Variants in RORA observed in about 807,000 individuals in gnomAD.
The protein encoded by RORA is RAR related orphan receptor A, also known as nuclear receptor ROR-alpha.
RORA carries 7 observed loss-of-function variants against 69.5 expected under a neutral mutation model. The ratio of observed to expected loss-of-function variants is 0.10; its 90% CI spans 0.06 to 0.19. RORA has a LOEUF of 0.19. Ranked by LOEUF, RORA falls within the 10% of genes least tolerant of loss-of-function variation. The pLI is 1.00. For synonymous variants in RORA, 261 were observed against 240.8 expected (o/e 1.08, Z -0.78); for missense variants, 457 against 663.0 (o/e 0.69, Z 3.41).
rs2066528004 is a variant in RORA, at chr15:60,531,592, T to C, written c.282+174A>G. 1.9e-6 allele frequency: 1 copy of C among 529,364 alleles called. No homozygotes were observed. The highest frequency in any genetic ancestry group is 4.2e-5 in the Admixed American group (1 of 23,674). 32.8% of individuals were successfully genotyped at this position (529,364 alleles called of 1,614,324 possible). The stretch of plus-strand genomic sequence containing the variant: ...ATTATTTTGAAGGAAGGAGTAAAAA[T>C]ATATATAACTTCTTTAATTGTAATT... On this transcript the variant is annotated intron_variant, in intron 3 of 10. Coordinates refer to ENST00000335670, the MANE Select transcript of RORA (RefSeq NM_134261.3). This position sits in a 1 kb window ranked among gnomAD's most constrained non-coding sequence, Gnocchi z 4.8.
intron 1 of RORA, among the ~76,000 whole-genome samples, chr15:60,810,364 C>T (rs1252863753): frequency 1.3e-5 from 2 of 152,018 alleles, no homozygotes; most frequent in Non-Finnish European, 2.9e-5. Flanking sequence ...ACAAAAGCTG[C>T]TATTTTTCTT....
chr15:60,736,430 AC>A (rs2140843505), intron 1 of RORA, among the ~76,000 whole-genome samples: 1 of 152,330 alleles, frequency 6.6e-6, no homozygotes, highest in Non-Finnish European at 1.5e-5. Flanking sequence ...GGACTCCTGC[AC>A]CCAGAGGAAA....
At chr15:60,514,881 C>A in intron 3 of RORA, 124 bp from the exon 4 acceptor site, 1 of 676,884 alleles carries the variant, frequency 1.5e-6, no homozygotes, top group African/African-American at 1.8e-5. Flanking sequence ...GTAGCAGAAT[C>A]ATCCAGGAGA....
chr15:60,874,810 G>A (rs764040532), intron 1 of RORA, among the ~76,000 whole-genome samples: 6 of 152,188 alleles, frequency 3.9e-5, no homozygotes, highest in Non-Finnish European at 7.4e-5. Context: ...CAGCCTGCTA[G>A]TGTACAAATT....
intron 2 of RORA, among the ~76,000 whole-genome samples, chr15:60,561,070 T>TG (rs2067530844): frequency 7.7e-6 from 1 of 129,508 alleles, no homozygotes; most frequent in African/African-American, 4.1e-5. Flanking sequence ...TTTTTTTTTT[T>TG]GTTTTGTTTT....
chr15:61,001,056 C>T (rs1894729277), intron 1 of RORA, among the ~76,000 whole-genome samples: 1 of 152,204 alleles, frequency 6.6e-6, no homozygotes, highest in South Asian at 2.1e-4. Context: ...TGAGGACACT[C>T]CATTTTAAAT....
At chr15:60,594,844 A>G (rs1173018564) in intron 2 of RORA, among the ~76,000 whole-genome samples, 1 of 152,238 alleles carries the variant, frequency 6.6e-6, no homozygotes, top group Non-Finnish European at 1.5e-5. Flanking sequence ...TGCCCTTTGG[A>G]GATGTACTTC....
chr15:60,756,103 T>G (rs937127066), intron 1 of RORA, among the ~76,000 whole-genome samples: 1 of 152,212 alleles, frequency 6.6e-6, no homozygotes, highest in Non-Finnish European at 1.5e-5. Flanking sequence ...ACAAAAAAAG[T>G]TTCTGCAATG....
intron 1 of RORA, among the ~76,000 whole-genome samples, chr15:60,935,530 T>C: frequency 6.6e-6 from 1 of 152,194 alleles, no homozygotes. Context: ...AGTGAAAACA[T>C]CTATGGCTAC....
intron 2 of RORA, among the ~76,000 whole-genome samples, chr15:60,559,689 C>A (rs867133158): frequency 1.3e-5 from 2 of 152,196 alleles, no homozygotes; most frequent in Non-Finnish European, 2.9e-5. Flanking sequence ...AGAAAGATGT[C>A]GTGCAAGGAA....
At chr15:60,776,371 G>A (rs1324621800) in intron 1 of RORA, among the ~76,000 whole-genome samples, 1 of 152,196 alleles carries the variant, frequency 6.6e-6, no homozygotes, top group Non-Finnish European at 1.5e-5. Context: ...GGAGAGGAGG[G>A]AAATAAAACA....
At chr15:61,077,793 C>T (rs1480721374) in intron 1 of RORA, among the ~76,000 whole-genome samples, 1 of 152,190 alleles carries the variant, frequency 6.6e-6, no homozygotes, top group African/African-American at 2.4e-5. Context: ...AGCATCTCTT[C>T]TTCCCTTAGA....
chr15:60,761,964 C>T (rs374371064), intron 1 of RORA, among the ~76,000 whole-genome samples: 1 of 151,620 alleles, frequency 6.6e-6, no homozygotes, highest in African/African-American at 2.4e-5. Context: ...CCTTGGAAAT[C>T]AAGTTCTTGA....
At position 60,557,284 on chromosome 15, in the gene RORA, T is replaced by C. The variant is rs1412161732; in HGVS notation, c.197-25433A>G. On this transcript the variant is annotated intron_variant, in intron 2 of 10. Transcript: ENST00000335670. ...CCACTGTCTTAAGTTAAATAAGATA[T>C]AGAATGCTCACAACTGTTATGGTTA... Among the ~76,000 whole-genome samples, 3 of 152,230 alleles carry C rather than the reference T, an allele frequency of 2.0e-5. No individual in the cohort carries two copies. In the East Asian group the frequency reaches 5.8e-4, roughly 29 times the overall value.
At chr15:61,140,671 G>C (rs1447669458) in intron 1 of RORA, among the ~76,000 whole-genome samples, 5 of 152,052 alleles carry the variant, frequency 3.3e-5, no homozygotes, top group Non-Finnish European at 7.4e-5. Flanking sequence ...GTGGAGATAT[G>C]GATGGGAGAA....
At chr15:60,503,282 G>A (rs184520562) in intron 7 of RORA, among the ~76,000 whole-genome samples, 11 of 152,152 alleles carry the variant, frequency 7.2e-5, no homozygotes, top group Admixed American at 1.3e-4. Flanking sequence ...CAAAACACAC[G>A]TGATGGGAAA....
chr15:60,852,383 A>G (rs2073336228), intron 1 of RORA, among the ~76,000 whole-genome samples: 1 of 152,180 alleles, frequency 6.6e-6, no homozygotes, highest in Non-Finnish European at 1.5e-5. Flanking sequence ...ATGCTTGGCA[A>G]GTTTGTAATG....
chr15:60,898,462 G>C (rs1264214573), intron 1 of RORA, among the ~76,000 whole-genome samples: 1 of 151,670 alleles, frequency 6.6e-6, no homozygotes, highest in African/African-American at 2.4e-5. Context: ...AGATCGCTTT[G>C]AGAATAGCCT....
intron 1 of RORA, among the ~76,000 whole-genome samples, chr15:61,088,897 T>C (rs138587889): frequency 2.6e-5 from 4 of 152,150 alleles, no homozygotes; most frequent in African/African-American, 9.7e-5. Flanking sequence ...CAATCACCCA[T>C]GTCATCACCA....
Sources: gnomAD v4.1 joint callset for allele counts (sites outside exome capture counted in the v4.1 genomes callset) on GRCh38, gnomAD v4.1.1 for gene constraint, Gnocchi (gnomAD v3.1) non-coding constraint, MANE v1.5 for transcripts, NCBI Gene and HGNC (gene_info 2026-07-23, HGNC 2026-07-21) for gene names.